Variants in GATB observed in about 807,000 individuals in gnomAD.
GATB encodes the protein glutamyl-tRNA amidotransferase subunit B, also known as glutamyl-tRNA(Gln) amidotransferase subunit B, mitochondrial.
Under a neutral mutation model 62.3 loss-of-function variants are expected in GATB, and 39 were observed. The observed-to-expected ratio is 0.63, with a 90% confidence interval of 0.48 to 0.82. GATB has a LOEUF of 0.82. Among genes scored for constraint, GATB ranks in the 40% least tolerant of loss-of-function variants. The pLI is 0.00. For missense variants in GATB, 670 were observed against 684.0 expected (o/e 0.98, Z 0.23); for synonymous variants, 276 against 258.9 (o/e 1.07, Z -0.63).
chr4:151,690,257 T>C (rs2126961839), intron 9 of GATB, among the ~76,000 whole-genome samples: 1 of 152,368 alleles, frequency 6.6e-6, no homozygotes, highest in South Asian at 2.1e-4. Flanking sequence ...ACATGTTCTT[T>C]GTAACAGATA....
chr4:151,693,522 AG>A (rs1738411867), intron 9 of GATB, among the ~76,000 whole-genome samples: 1 of 152,160 alleles, frequency 6.6e-6, no homozygotes, highest in African/African-American at 2.4e-5. Flanking sequence ...CAAGAGTGTC[AG>A]GAGAAAGCTA....
Position 151,688,768 on chromosome 4 carries a change from T to TAAA in GATB, c.1198-8_1198-6dup. ...CTCCAGTAGGCCGACTTCGTTCTGT[T>TAAA]AAAAAAAAAAAAAGAAAATTACATA... is the stretch of plus-strand genomic sequence containing the variant. On this transcript the variant is annotated splice_region_variant and splice_polypyrimidine_tract_variant and intron_variant, in intron 9 of 12. Transcript: ENST00000263985. 2 of 1,430,782 alleles carry TAAA rather than the reference T, an allele frequency of 1.4e-6. No homozygotes were observed. Among genetic ancestry groups the TAAA allele is most frequent in the Admixed American group, 2.3e-5 (1 of 42,796 alleles). The allele number at this position is 1,430,782 out of a possible 1,614,324, so 88.6% of individuals were successfully genotyped here.
intron 2 of GATB, among the ~76,000 whole-genome samples, chr4:151,756,768 T>A (rs935432841): frequency 6.6e-5 from 10 of 152,232 alleles, no homozygotes; most frequent in Non-Finnish European, 1.2e-4. Flanking sequence ...ATTAAAATGT[T>A]GGCATTTTAA....
chr4:151,711,926 T>C (rs1385954287), intron 5 of GATB, among the ~76,000 whole-genome samples: 1 of 152,214 alleles, frequency 6.6e-6, no homozygotes, highest in African/African-American at 2.4e-5. Context: ...ATAGGACTAA[T>C]CTGCAGTTGG....
chr4:151,739,514 T>C (rs751626691), intron 2 of GATB, among the ~76,000 whole-genome samples: 1 of 152,316 alleles, frequency 6.6e-6, no homozygotes, highest in African/African-American at 2.4e-5. Flanking sequence ...CAATGTTACA[T>C]GTGAAGCCGC....
rs941448056 is a variant in GATB at position 151,716,109 on chromosome 4, G to C, written c.663C>G (p.Val221=). ...NRAGVGLLEV[V]LEPDMSCGEE... Reference sequence around the variant, plus strand: ...CTCCACAGGACATGTCGGGCTCCAGGACCACCTCCAGAAGGCCCACTCCTA... The same window carrying C: ...CTCCACAGGACATGTCGGGCTCCAGCACCACCTCCAGAAGGCCCACTCCTA... Residue 221 remains valine, a synonymous_variant, in exon 5 of 13, where the codon GTC becomes GTG. Transcript: ENST00000263985. 6.2e-7 allele frequency: 1 copy of C among 1,613,776 alleles called. No individual in the cohort carries two copies. Among genetic ancestry groups the C allele is most frequent in the East Asian group, 2.2e-5 (1 of 44,870 alleles).
chr4:151,718,942 G>A (rs572643170), intron 3 of GATB, among the ~76,000 whole-genome samples: 2 of 152,288 alleles, frequency 1.3e-5, no homozygotes, highest in South Asian at 2.1e-4. Context: ...TCATGTTTCC[G>A]CTTACTATTG....
At chr4:151,745,678 C>T (rs551708929) in intron 2 of GATB, among the ~76,000 whole-genome samples, 2 of 152,332 alleles carry the variant, frequency 1.3e-5, no homozygotes, top group African/African-American at 4.8e-5. Context: ...TATTTATTCA[C>T]ATCATATTTC....
chr4:151,685,426 G>A (rs1235901697), intron 10 of GATB, among the ~76,000 whole-genome samples: 1 of 152,188 alleles, frequency 6.6e-6, no homozygotes, highest in Non-Finnish European at 1.5e-5. Flanking sequence ...GTTCATGGCT[G>A]AATCCCCCTG....
chr4:151,718,134 G>C (rs1238135365), intron 3 of GATB, among the ~76,000 whole-genome samples: 1 of 152,212 alleles, frequency 6.6e-6, no homozygotes, highest in Non-Finnish European at 1.5e-5. Context: ...AGTAGGTCGA[G>C]GGTGGGGCCT....
At chr4:151,755,465 A>G (rs999172896) in intron 2 of GATB, among the ~76,000 whole-genome samples, 1 of 152,214 alleles carries the variant, frequency 6.6e-6, no homozygotes, top group African/African-American at 2.4e-5. Context: ...GTCTTTGCCC[A>G]CATGTTTATT....
chr4:151,751,289 C>T (rs1469639385), intron 2 of GATB, among the ~76,000 whole-genome samples: 3 of 152,142 alleles, frequency 2.0e-5, no homozygotes, highest in Admixed American at 1.3e-4. Flanking sequence ...TATTACCTAA[C>T]GTTATCTTGT....
chr4:151,712,641 C>A (rs1264902363), intron 5 of GATB, among the ~76,000 whole-genome samples: 18 of 149,156 alleles, frequency 1.2e-4, no homozygotes, highest in African/African-American at 4.4e-4. Flanking sequence ...AAGGTTTGAC[C>A]AAAAAAAAAG....
At chr4:151,677,873 C>G (rs757867750) in intron 11 of GATB, 7 of 150,934 alleles carry the variant, frequency 4.6e-5, no homozygotes, top group Non-Finnish European at 1.0e-4. Flanking sequence ...AAGAAATAAA[C>G]TAAAAAAAAG....
At chr4:151,672,059 CT>C (rs1175232209) in intron 12 of GATB, among the ~76,000 whole-genome samples, 1 of 152,194 alleles carries the variant, frequency 6.6e-6, no homozygotes, top group African/African-American at 2.4e-5. Context: ...TTATCGAGAG[CT>C]CTTTACAGAG....
Position 151,751,110 on chromosome 4 carries a change from T to C in GATB, c.327+7662A>G, listed in dbSNP as rs1739713640. On this transcript the variant is annotated intron_variant, in intron 2 of 12. Transcript: ENST00000263985. ...GCATGAGCTTGAGTATGGATGGATC[T>C]AGAATGTGGATGAGTCTATTTCTCC... Among the ~76,000 whole-genome samples, 6 of 152,198 alleles carry C rather than the reference T, an allele frequency of 3.9e-5. No homozygotes were observed. In the South Asian group the frequency reaches 1.2e-3, roughly 32 times the overall value.
intron 2 of GATB, among the ~76,000 whole-genome samples, chr4:151,743,552 T>C (rs1739539568): frequency 6.6e-6 from 1 of 152,240 alleles, no homozygotes; most frequent in Admixed American, 6.5e-5. Flanking sequence ...GCCACCTACA[T>C]AAATCTGACT....
At chr4:151,749,194 T>C (rs1739663562) in intron 2 of GATB, among the ~76,000 whole-genome samples, 1 of 152,184 alleles carries the variant, frequency 6.6e-6, no homozygotes, top group Non-Finnish European at 1.5e-5. Context: ...CATGCTGCTA[T>C]AAAGACACAT....
intron 2 of GATB, among the ~76,000 whole-genome samples, chr4:151,727,508 T>A (rs548819314): frequency 4.6e-5 from 7 of 152,230 alleles, no homozygotes; most frequent in Non-Finnish European, 1.0e-4. Flanking sequence ...AAGACAAGAC[T>A]GGGTGTGTAG....
Sources: allele counts gnomAD v4.1 joint callset (sites outside exome capture counted in the v4.1 genomes callset), GRCh38; gene constraint gnomAD v4.1.1; transcripts MANE v1.5; gene names NCBI Gene and HGNC (gene_info 2026-07-23, HGNC 2026-07-21).